ZNF804A: variants seen among roughly 807,000 people sequenced by gnomAD.
ZNF804A encodes zinc finger protein 804A.
Under a neutral mutation model 16.5 loss-of-function variants are expected in ZNF804A, and 2 were observed. The ratio of observed to expected loss-of-function variants is 0.12; its 90% CI spans 0.05 to 0.38. The LOEUF (loss-of-function observed/expected upper bound fraction) is 0.38, where lower values mean the gene tolerates loss of function less well. Ranked by LOEUF, ZNF804A falls within the 10% of genes least tolerant of loss-of-function variation. ZNF804A has a pLI of 0.99. For synonymous variants in ZNF804A, 534 were observed against 489.6 expected, an observed-to-expected ratio of 1.09 and a Z score of -1.20; for missense variants, 1,473 against 1,390.7, an observed-to-expected ratio of 1.06 and a Z score of -0.94.
At chr2:184,926,800 A>G (rs1394237301) in intron 2 of ZNF804A, among the ~76,000 whole-genome samples, 2 of 152,146 alleles carry the variant, frequency 1.3e-5, no homozygotes, top group Non-Finnish European at 2.9e-5. Flanking sequence ...AGAAACTCTG[A>G]TGCATTCTTT....
intron 1 of ZNF804A, among the ~76,000 whole-genome samples, chr2:184,609,911 A>G (rs1305043407): frequency 5.9e-5 from 9 of 152,186 alleles, no homozygotes; most frequent in Non-Finnish European, 4.4e-5. Flanking sequence ...GTAGAGGGCT[A>G]TGGTTTGAAT....
chr2:184,786,378 G>A (rs1246281267), intron 1 of ZNF804A, among the ~76,000 whole-genome samples: 1 of 151,936 alleles, frequency 6.6e-6, no homozygotes, highest in African/African-American at 2.4e-5. Flanking sequence ...GTAAGACAAA[G>A]GATATGAACT....
chr2:184,613,826 GA>G (rs1240033243), intron 1 of ZNF804A, among the ~76,000 whole-genome samples: 3 of 152,082 alleles, frequency 2.0e-5, no homozygotes, highest in African/African-American at 7.2e-5. Context: ...TCATGGACAG[GA>G]AGAATCAATA....
At chr2:184,689,278 A>G (rs1288146995) in intron 1 of ZNF804A, among the ~76,000 whole-genome samples, 1 of 152,160 alleles carries the variant, frequency 6.6e-6, no homozygotes, top group East Asian at 1.9e-4. Flanking sequence ...TTTCTGATAC[A>G]ATCATCTTCT....
chr2:184,604,299 T>A (rs1374374733), intron 1 of ZNF804A, among the ~76,000 whole-genome samples: 5 of 151,278 alleles, frequency 3.3e-5, no homozygotes, highest in Non-Finnish European at 5.9e-5. Context: ...GCCTCCCGAG[T>A]AGCTGGGACT....
chr2:184,691,746 T>C (rs1200851594), intron 1 of ZNF804A, among the ~76,000 whole-genome samples: 10 of 151,782 alleles, frequency 6.6e-5, no homozygotes. Context: ...TATGTCTTTC[T>C]AGTACGAATT....
At chr2:184,924,120 AT>A (rs911271274) in intron 2 of ZNF804A, among the ~76,000 whole-genome samples, 6 of 151,360 alleles carry the variant, frequency 4.0e-5, no homozygotes, top group African/African-American at 1.5e-4. Context: ...CTTCTTATTT[AT>A]TTTTTCAGAT....
chr2:184,894,781 G>A (rs1026766106), intron 2 of ZNF804A, among the ~76,000 whole-genome samples: 4 of 152,040 alleles, frequency 2.6e-5, no homozygotes, highest in African/African-American at 4.8e-5. Flanking sequence ...CGCCTCCCAG[G>A]TTCACGCCGT....
intron 1 of ZNF804A, among the ~76,000 whole-genome samples, chr2:184,817,684 G>A (rs989027931): frequency 1.4e-4 from 22 of 151,884 alleles, no homozygotes; most frequent in Admixed American, 7.2e-4. Flanking sequence ...AGCTGATAAC[G>A]AGAAGAGCCA....
chr2:184,718,152 C>T (rs1391913849), intron 1 of ZNF804A, among the ~76,000 whole-genome samples: 1 of 152,158 alleles, frequency 6.6e-6, no homozygotes, highest in Non-Finnish European at 1.5e-5. Context: ...CACATGGCAG[C>T]AGACAAGAGA....
At chr2:184,881,649 T>A (rs151157265) in intron 2 of ZNF804A, among the ~76,000 whole-genome samples, 12 of 150,890 alleles carry the variant, frequency 8.0e-5, no homozygotes, top group African/African-American at 2.9e-4. Context: ...TTACTAAGAG[T>A]TTTTTTTTCT....
intron 1 of ZNF804A, among the ~76,000 whole-genome samples, chr2:184,626,022 C>T (rs1691490294): frequency 6.6e-6 from 1 of 152,126 alleles, no homozygotes; most frequent in South Asian, 2.1e-4. Context: ...GTGCCCGCCA[C>T]CACGCCCAGC....
At chr2:184,664,163 T>A (rs1249646205) in intron 1 of ZNF804A, among the ~76,000 whole-genome samples, 2 of 152,170 alleles carry the variant, frequency 1.3e-5, no homozygotes, top group Non-Finnish European at 2.9e-5. Context: ...AAACTAGAGT[T>A]AAATGACACT....
intron 1 of ZNF804A, among the ~76,000 whole-genome samples, chr2:184,823,008 C>A (rs1695105989): frequency 6.6e-6 from 1 of 151,972 alleles, no homozygotes; most frequent in African/African-American, 2.4e-5. Flanking sequence ...TTGTCTTAGT[C>A]CATTCTTGCT....
intron 1 of ZNF804A, among the ~76,000 whole-genome samples, chr2:184,803,842 T>A (rs760823107): frequency 1.3e-5 from 2 of 148,582 alleles, no homozygotes; most frequent in Non-Finnish European, 3.0e-5. Context: ...TGTGTTTATA[T>A]CCTCTTCTTT....
At chr2:184,866,549 G>T in intron 2 of ZNF804A, 37 bp downstream of exon 2, 1 of 1,575,158 alleles carries the variant, frequency 6.3e-7, no homozygotes, top group Non-Finnish European at 8.6e-7. Flanking sequence ...GGCATTTCTG[G>T]ACTTGTGTAA....
chr2:184,756,667 A>G (rs1194225323), intron 1 of ZNF804A, among the ~76,000 whole-genome samples: 2 of 152,022 alleles, frequency 1.3e-5, no homozygotes, highest in Non-Finnish European at 2.9e-5. Flanking sequence ...TTTAAGTAAT[A>G]TCCTAGAAAA....
rs375688399 is a variant in ZNF804A at position 184,784,981 on chromosome 2, T to C, written c.112-81388T>C. ...AAGCTTCCCTACCTATTGATCCCCT[T>C]CGCCTTGGCTGTCTCCCCACATTTG... On this transcript the variant is annotated intron_variant, in intron 1 of 3. Transcript: ENST00000302277. Among the ~76,000 whole-genome samples the C allele has an allele frequency of 2.3e-4, 35 of 152,066 alleles. 2 individuals carry two copies. Among genetic ancestry groups the C allele is most frequent in the African/African-American group, 7.9e-4 (33 of 41,536 alleles).
chr2:184,702,593 A>G (rs1344503579), intron 1 of ZNF804A, among the ~76,000 whole-genome samples: 3 of 152,028 alleles, frequency 2.0e-5, no homozygotes, highest in African/African-American at 7.2e-5. Context: ...TTTAACTACC[A>G]CCTTGAAACT....
Sources: allele counts gnomAD v4.1 joint callset (sites outside exome capture counted in the v4.1 genomes callset), GRCh38; gene constraint gnomAD v4.1.1; transcripts MANE v1.5; gene names NCBI Gene and HGNC (gene_info 2026-07-23, HGNC 2026-07-21).